The following ROR1 variants were observed in gnomAD, a reference collection of about 807,000 sequenced individuals.
ROR1 encodes the protein inactive tyrosine-protein kinase transmembrane receptor ROR1.
In ROR1, 19 loss-of-function variants were observed where a neutral mutation model predicts 78.8. The ratio of observed to expected loss-of-function variants is 0.24; its 90% CI spans 0.17 to 0.35. ROR1 has a LOEUF of 0.35. Ranked by LOEUF, ROR1 falls within the 10% of genes least tolerant of loss-of-function variation. The pLI is 1.00. For missense variants in ROR1, 917 were observed against 1,177.8 expected, an observed-to-expected ratio of 0.78 and a Z score of 3.24; for synonymous variants, 386 against 433.6, an observed-to-expected ratio of 0.89 and a Z score of 1.36.
chr1:63,797,422 G>A (rs1644767593), intron 1 of ROR1, among the ~76,000 whole-genome samples: 1 of 152,170 alleles, frequency 6.6e-6, no homozygotes, highest in African/African-American at 2.4e-5. Context: ...GCTGAACGGA[G>A]AGTCATGAAT....
At chr1:64,043,783 T>G (rs1646763164) in intron 2 of ROR1, among the ~76,000 whole-genome samples, 1 of 152,196 alleles carries the variant, frequency 6.6e-6, no homozygotes, top group South Asian at 2.1e-4. Context: ...TCTGGCTGTG[T>G]GACTTTGGGA....
rs576065801 is a variant in ROR1 at position 64,080,589 on chromosome 1, C to A, written c.482+29873C>A. 6.6e-5 allele frequency among the ~76,000 whole-genome samples: 10 copies of A among 152,342 alleles called. No individual in the cohort carries two copies. The South Asian group carries it at 2.1e-3, about 32-fold the overall frequency. On this transcript the variant is annotated intron_variant, in intron 4 of 8. Transcript: ENST00000371079. The stretch of plus-strand genomic sequence containing the variant: ...AGCAATAAGAAGGACATTTTAAACT[C>A]CCTTTGACCAGAAAAGTCACTTTTG...
intron 1 of ROR1, among the ~76,000 whole-genome samples, chr1:63,945,211 A>G (rs542086093): frequency 6.6e-6 from 1 of 152,312 alleles, no homozygotes; most frequent in Non-Finnish European, 1.5e-5. Flanking sequence ...AAGGGTCTAT[A>G]AGGCAGTGGA....
At chr1:64,131,852 T>C (rs530099488) in intron 4 of ROR1, among the ~76,000 whole-genome samples, 18 of 149,120 alleles carry the variant, frequency 1.2e-4, no homozygotes, top group African/African-American at 4.4e-4. Context: ...ACTCCAGGCC[T>C]CAAGCAATCC....
At chr1:63,993,419 G>A (rs747100675) in intron 1 of ROR1, among the ~76,000 whole-genome samples, 3 of 152,172 alleles carry the variant, frequency 2.0e-5, no homozygotes, top group Non-Finnish European at 4.4e-5. Flanking sequence ...CCCCTGACTT[G>A]AAACCACCAG....
At chr1:64,140,506 A>G (rs1649275704) in intron 6 of ROR1, 80 bp downstream of exon 6, 17 of 1,333,050 alleles carry the variant, frequency 1.3e-5, no homozygotes, top group South Asian at 1.3e-5. Context: ...ACCTTGACCC[A>G]TAGTGATTTT....
At position 63,930,174 on chromosome 1, in the gene ROR1, T is replaced by C. The variant is rs1645740010; in HGVS notation, c.92-79131T>C. Among the ~76,000 whole-genome samples, 3 of 152,210 alleles carry C rather than the reference T, an allele frequency of 2.0e-5. No individual in the cohort carries two copies. In the South Asian group the frequency reaches 6.2e-4, roughly 32 times the overall value. On this transcript the variant is annotated intron_variant, in intron 1 of 8. Transcript: ENST00000371079. ...TGTTCCCTTCCCTGAGTCCATGTGTTTTCATTGTTTAATGGGTTCTCCTCT... is the reference window on the plus strand; with the variant it reads ...TGTTCCCTTCCCTGAGTCCATGTGTCTTCATTGTTTAATGGGTTCTCCTCT...
chr1:64,099,585 TAAAG>T (rs1482466082), intron 4 of ROR1, among the ~76,000 whole-genome samples: 2 of 152,090 alleles, frequency 1.3e-5, no homozygotes, highest in East Asian at 1.9e-4. Context: ...TGGCTGTAAA[TAAAG>T]AAATAATGAT....
chr1:64,166,877 T>C (rs769638275), intron 8 of ROR1, among the ~76,000 whole-genome samples: 22 of 152,154 alleles, frequency 1.4e-4, no homozygotes, highest in Non-Finnish European at 2.1e-4. Flanking sequence ...CTTAAACCAA[T>C]GTCTATAGAA....
chr1:64,046,855 A>C (rs143846081), intron 2 of ROR1, among the ~76,000 whole-genome samples: 1 of 152,374 alleles, frequency 6.6e-6, no homozygotes, highest in African/African-American at 2.4e-5. Flanking sequence ...CCGGCAAGTC[A>C]CTAAACCACT....
chr1:63,791,013 A>G (rs1337338398), intron 1 of ROR1, among the ~76,000 whole-genome samples: 4 of 152,106 alleles, frequency 2.6e-5, no homozygotes, highest in Admixed American at 2.6e-4. Context: ...GGGGAGCTTA[A>G]TAAAATTTTG....
intron 1 of ROR1, among the ~76,000 whole-genome samples, chr1:63,857,305 G>A (rs901207459): frequency 1.3e-5 from 2 of 152,072 alleles, no homozygotes; most frequent in Non-Finnish European, 2.9e-5. Context: ...TCCTTAGAAG[G>A]TGTTAATAAA....
chr1:64,101,941 C>T (rs1647565044), intron 4 of ROR1, among the ~76,000 whole-genome samples: 1 of 152,194 alleles, frequency 6.6e-6, no homozygotes, highest in East Asian at 1.9e-4. Flanking sequence ...GATCAATTGT[C>T]ATCTCCTTTC....
intron 1 of ROR1, among the ~76,000 whole-genome samples, chr1:63,902,959 G>A (rs1326778325): frequency 6.6e-6 from 1 of 152,180 alleles, no homozygotes; most frequent in African/African-American, 2.4e-5. Context: ...AGAATGAGAT[G>A]GGCAAAGTGT....
At chr1:64,054,121 T>G (rs931167642) in intron 4 of ROR1, among the ~76,000 whole-genome samples, 1 of 151,698 alleles carries the variant, frequency 6.6e-6, no homozygotes, top group Non-Finnish European at 1.5e-5. Flanking sequence ...GCCTGGCAAA[T>G]TTTTGTATGT....
intron 1 of ROR1, among the ~76,000 whole-genome samples, chr1:63,794,530 T>C (rs1002054018): frequency 3.9e-4 from 59 of 152,214 alleles, no homozygotes; most frequent in Non-Finnish European, 1.2e-4. Context: ...TGTGCCCTGC[T>C]GGCTGGGTCC....
intron 2 of ROR1, among the ~76,000 whole-genome samples, chr1:64,023,948 C>T (rs1458213998): frequency 1.3e-5 from 2 of 152,076 alleles, no homozygotes; most frequent in Non-Finnish European, 2.9e-5. Context: ...CCATGCTGTT[C>T]TTGTGATAGT....
chr1:63,871,265 A>T (rs988866025), intron 1 of ROR1, among the ~76,000 whole-genome samples: 15 of 152,186 alleles, frequency 9.9e-5, no homozygotes, highest in African/African-American at 3.6e-4. Context: ...TACATGACAG[A>T]TGGAGTCTTT....
chr1:63,802,921 A>G (rs191666125), intron 1 of ROR1, among the ~76,000 whole-genome samples: 5 of 152,380 alleles, frequency 3.3e-5, no homozygotes, highest in Admixed American at 3.3e-4. Context: ...AATTAATTGT[A>G]TATTTTCTTT....
Sources: allele counts gnomAD v4.1 joint callset (sites outside exome capture counted in the v4.1 genomes callset), GRCh38; gene constraint gnomAD v4.1.1; transcripts MANE v1.5; gene names NCBI Gene and HGNC (gene_info 2026-07-23, HGNC 2026-07-21).